Variants in EPHA5 observed in about 807,000 individuals in gnomAD.
EPHA5 encodes EPH receptor A5, also known as ephrin type-A receptor 5.
Under a neutral mutation model 105.0 loss-of-function variants are expected in EPHA5, and 60 were observed. The observed-to-expected ratio is 0.57, with a 90% CI of 0.46 to 0.71. The LOEUF (loss-of-function observed/expected upper bound fraction) is 0.71, where lower values mean the gene tolerates loss of function less well. EPHA5 is among the 30% of genes least tolerant of loss of function. The probability of loss-of-function intolerance (pLI) is 0.00; values close to 1 mark genes in which losing one functional copy is unlikely to be tolerated. For synonymous variants in EPHA5, 513 were observed against 449.1 expected (o/e 1.14, Z -1.80); for missense variants, 1,218 against 1,274.7 (o/e 0.96, Z 0.68).
chr4:65,563,934 A>G (rs948896710), intron 3 of EPHA5, among the ~76,000 whole-genome samples: 2 of 151,986 alleles, frequency 1.3e-5, no homozygotes, highest in African/African-American at 2.4e-5. Flanking sequence ...GTACTATAAC[A>G]TATTCCACAA....
chr4:65,444,159 G>A (rs562991797), intron 5 of EPHA5, among the ~76,000 whole-genome samples: 2 of 152,214 alleles, frequency 1.3e-5, no homozygotes, highest in East Asian at 3.9e-4. Flanking sequence ...TTATAATAGT[G>A]CAAATGTGAA....
intron 7 of EPHA5, among the ~76,000 whole-genome samples, chr4:65,412,559 C>T (rs1004845912): frequency 8.6e-5 from 13 of 151,948 alleles, no homozygotes; most frequent in Admixed American, 5.9e-4. Flanking sequence ...AGATTTTACT[C>T]GTAGCTAGGA....
At chr4:65,569,733 CTTATA>C (rs1445534730) in intron 3 of EPHA5, among the ~76,000 whole-genome samples, 1 of 151,600 alleles carries the variant, frequency 6.6e-6, no homozygotes, top group Non-Finnish European at 1.5e-5. Context: ...TTTTAAAGTT[CTTATA>C]TTTAATATGG....
intron 3 of EPHA5, among the ~76,000 whole-genome samples, chr4:65,538,423 G>A (rs1356962604): frequency 6.6e-6 from 1 of 151,558 alleles, no homozygotes; most frequent in African/African-American, 2.4e-5. Flanking sequence ...CCTATTCCAA[G>A]CAATATCCCT....
chr4:65,535,046 T>C (rs1184098305), intron 3 of EPHA5, among the ~76,000 whole-genome samples: 2 of 152,184 alleles, frequency 1.3e-5, no homozygotes, highest in African/African-American at 4.8e-5. Context: ...TGCAAATAAA[T>C]AGCTTGTGCT....
At chr4:65,416,996 G>A (rs1411736752) in intron 6 of EPHA5, among the ~76,000 whole-genome samples, 2 of 152,162 alleles carry the variant, frequency 1.3e-5, no homozygotes, top group South Asian at 4.1e-4. Flanking sequence ...TCCTGCCTTC[G>A]TGCCCCAGCT....
At chr4:65,640,287 T>TTTTC (rs1553959383) in intron 2 of EPHA5, among the ~76,000 whole-genome samples, 3 of 137,248 alleles carry the variant, frequency 2.2e-5, no homozygotes, top group East Asian at 2.1e-4. Context: ...TTTTTCTTTT[T>TTTTC]TTTTTTTTTT....
At chr4:65,547,544 G>A (rs1484378034) in intron 3 of EPHA5, among the ~76,000 whole-genome samples, 1 of 151,684 alleles carries the variant, frequency 6.6e-6, no homozygotes, top group Non-Finnish European at 1.5e-5. Context: ...GTCATTTCTG[G>A]TATCTTTCAT....
chr4:65,431,930 A>C (rs1725019702), intron 5 of EPHA5, among the ~76,000 whole-genome samples: 2 of 152,136 alleles, frequency 1.3e-5, no homozygotes, highest in Admixed American at 6.6e-5. Flanking sequence ...AGCCAATGAA[A>C]CAGGAAAGTG....
intron 11 of EPHA5, among the ~76,000 whole-genome samples, chr4:65,356,955 A>T (rs76579865): frequency 0.076 from 11,534 of 151,532 alleles, 519 homozygotes; most frequent in Middle Eastern, 0.14. Context: ...TCTGCCAATA[A>T]TTTTGAAAGC....
At chr4:65,376,507 T>A (rs1050898485) in intron 8 of EPHA5, among the ~76,000 whole-genome samples, 6 of 152,036 alleles carry the variant, frequency 3.9e-5, no homozygotes, top group Admixed American at 1.3e-4. Flanking sequence ...CTTAATGAAA[T>A]TAGGTAAACC....
At chr4:65,423,512 G>A (rs1724130831) in intron 5 of EPHA5, among the ~76,000 whole-genome samples, 1 of 151,870 alleles carries the variant, frequency 6.6e-6, no homozygotes, top group South Asian at 2.1e-4. Flanking sequence ...TTAAATTTAT[G>A]TAATTATTTA....
At chr4:65,620,128 A>T (rs1336416858) in intron 2 of EPHA5, among the ~76,000 whole-genome samples, 1 of 147,440 alleles carries the variant, frequency 6.8e-6, no homozygotes, top group Non-Finnish European at 1.5e-5. Flanking sequence ...ATATATATAT[A>T]TTAAATATAT....
intron 4 of EPHA5, among the ~76,000 whole-genome samples, chr4:65,495,137 T>G (rs1052197229): frequency 6.6e-6 from 1 of 152,056 alleles, no homozygotes; most frequent in Non-Finnish European, 1.5e-5. Flanking sequence ...GAAAATATTC[T>G]ATATCTGTGT....
chr4:65,331,693 T>C (rs755455387), intron 16 of EPHA5: 118 of 1,149,574 alleles, frequency 1.0e-4, no homozygotes, highest in Non-Finnish European at 1.2e-4. Flanking sequence ...AAAACATCTT[T>C]TCCACAACAC....
intron 5 of EPHA5, among the ~76,000 whole-genome samples, chr4:65,437,373 A>C (rs1725577086): frequency 6.6e-6 from 1 of 152,046 alleles, no homozygotes; most frequent in South Asian, 2.1e-4. Flanking sequence ...AATAGGCCTT[A>C]ATGGTGTCCA....
chr4:65,394,864 C>T (rs1030655943), intron 8 of EPHA5, among the ~76,000 whole-genome samples: 1 of 151,922 alleles, frequency 6.6e-6, no homozygotes, highest in Non-Finnish European at 1.5e-5. Context: ...ATTATTATTA[C>T]CATGTTACTT....
At chr4:65,422,711 T>C (rs1040581220) in intron 5 of EPHA5, among the ~76,000 whole-genome samples, 4 of 152,118 alleles carry the variant, frequency 2.6e-5, no homozygotes, top group Non-Finnish European at 1.5e-5. Flanking sequence ...TGCATACTAG[T>C]ATGATATGCA....
At chr4:65,529,120 A>C (rs66644648) in intron 3 of EPHA5, among the ~76,000 whole-genome samples, 37,612 of 152,090 alleles carry the variant, frequency 0.25, 4,870 homozygotes, top group Middle Eastern at 0.32. Context: ...TAAAACAACT[A>C]TAGTATAAGA....
Sources: gnomAD v4.1 joint callset for allele counts (sites outside exome capture counted in the v4.1 genomes callset) on GRCh38, gnomAD v4.1.1 for gene constraint, MANE v1.5 for transcripts, NCBI Gene and HGNC (gene_info 2026-07-23, HGNC 2026-07-21) for gene names.